UBAP1: variants seen among roughly 807,000 people sequenced by gnomAD.
The protein encoded by UBAP1 is ubiquitin-associated protein 1.
UBAP1 carries 5 observed loss-of-function variants against 39.0 expected under a neutral mutation model. The ratio of observed to expected loss-of-function variants is 0.13; its 90% CI spans 0.07 to 0.27. The LOEUF (loss-of-function observed/expected upper bound fraction) is 0.27. Ranked by LOEUF, UBAP1 falls within the 10% of genes least tolerant of loss-of-function variation. The pLI is 1.00. For synonymous variants in UBAP1, 211 were observed against 225.1 expected, an observed-to-expected ratio of 0.94 and a Z score of 0.56; for missense variants, 490 against 608.1, an observed-to-expected ratio of 0.81 and a Z score of 2.04.
chr9:34,188,052 G>T (rs1479148091), intron 1 of UBAP1, among the ~76,000 whole-genome samples: 1 of 147,810 alleles, frequency 6.8e-6, no homozygotes, highest in Non-Finnish European at 1.5e-5. Flanking sequence ...AAGGAGTCAA[G>T]TATTTGATCT....
At chr9:34,207,044 A>ATTTTTTTT (rs1831735948) in intron 1 of UBAP1, among the ~76,000 whole-genome samples, 1 of 49,128 alleles carries the variant, frequency 2.0e-5, no homozygotes, top group Non-Finnish European at 4.3e-5. Flanking sequence ...CTTAATTGTT[A>ATTTTTTTT]TTTCTTTTTT....
intron 1 of UBAP1, among the ~76,000 whole-genome samples, chr9:34,187,587 A>G (rs759298880): frequency 5.3e-5 from 8 of 152,220 alleles, no homozygotes; most frequent in Non-Finnish European, 1.2e-4. Flanking sequence ...CTAAGCTGTT[A>G]GCACTTTCAC....
chr9:34,190,839 G>A (rs1274183996), intron 1 of UBAP1, among the ~76,000 whole-genome samples: 1 of 148,774 alleles, frequency 6.7e-6, no homozygotes, highest in Non-Finnish European at 1.5e-5. Flanking sequence ...GTAGAGATGG[G>A]GTTTCATCAT....
intron 2 of UBAP1, among the ~76,000 whole-genome samples, chr9:34,232,971 C>T (rs888208705): frequency 1.3e-5 from 2 of 152,114 alleles, no homozygotes; most frequent in East Asian, 1.9e-4. Context: ...ATATAAGAGG[C>T]GTTTTCCTTT....
chr9:34,219,135 C>G (rs1832517590), intron 1 of UBAP1, among the ~76,000 whole-genome samples: 1 of 151,752 alleles, frequency 6.6e-6, no homozygotes, highest in African/African-American at 2.4e-5. Context: ...GTCGCCTAGG[C>G]TGGAGTGCAG....
At chr9:34,185,429 G>T (rs1411140282) in intron 1 of UBAP1, among the ~76,000 whole-genome samples, 2 of 152,180 alleles carry the variant, frequency 1.3e-5, no homozygotes, top group Admixed American at 1.3e-4. Flanking sequence ...CATGCCTGTA[G>T]TCCCAGGTAC....
chr9:34,224,319 A>C, intron 2 of UBAP1: 2 of 447,584 alleles, frequency 4.5e-6, no homozygotes, highest in Non-Finnish European at 8.3e-6. Context: ...GTGTGCTGTC[A>C]ATGAGCATGA....
chr9:34,193,368 C>T (rs1473973283), intron 1 of UBAP1, among the ~76,000 whole-genome samples: 1 of 151,372 alleles, frequency 6.6e-6, no homozygotes, highest in African/African-American at 2.4e-5. Context: ...CACGTTCTTC[C>T]TCTACTCTCA....
intron 1 of UBAP1, among the ~76,000 whole-genome samples, chr9:34,180,310 T>A (rs1212738496): frequency 6.6e-6 from 1 of 150,878 alleles, no homozygotes; most frequent in Non-Finnish European, 1.5e-5. Context: ...AGGTCAAGAG[T>A]TCAAGACCAG....
intron 1 of UBAP1, among the ~76,000 whole-genome samples, chr9:34,197,257 C>T: frequency 6.6e-6 from 1 of 151,090 alleles, no homozygotes; most frequent in South Asian, 2.1e-4. Flanking sequence ...GTTCACGGAC[C>T]TTCTTTAATA....
intron 2 of UBAP1, among the ~76,000 whole-genome samples, chr9:34,227,206 T>G (rs1372854509): frequency 6.6e-6 from 1 of 152,230 alleles, no homozygotes; most frequent in East Asian, 1.9e-4. Flanking sequence ...TTTCTTGTGA[T>G]TTCACATCTT....
At chr9:34,188,965 T>C (rs1830565433) in intron 1 of UBAP1, among the ~76,000 whole-genome samples, 1 of 151,912 alleles carries the variant, frequency 6.6e-6, no homozygotes, top group Non-Finnish European at 1.5e-5. Context: ...CTCCAAAAAA[T>C]AAAAAATAAA....
chr9:34,179,408 C>G (rs1025979004), intron 1 of UBAP1, among the ~76,000 whole-genome samples, 168 bp downstream of exon 1: 1 of 151,844 alleles, frequency 6.6e-6, no homozygotes, highest in Non-Finnish European at 1.5e-5. Flanking sequence ...GGGGAGGATT[C>G]TGGGAGAAGG....
chr9:34,241,787 C>T lies in UBAP1; in HGVS notation c.762C>T (p.Leu254=), dbSNP rs536841538. The T allele has an allele frequency of 1.2e-6, 2 of 1,614,006 alleles. No individual in the cohort carries two copies. The highest frequency in any genetic ancestry group is 2.2e-5 in the South Asian group (2 of 91,078). Residue 254 remains leucine, a synonymous_variant, in exon 4 of 7, where the codon CTC becomes CTT. Coordinates refer to ENST00000297661, the MANE Select transcript of UBAP1 (RefSeq NM_016525.5). ...EKMSLSSKVS[L]PPIPAVSNIK... ...TGTCACTGTCTTCCAAAGTGTCCCTCCCCCCTATACCTGCAGTAAGCAATA... is the reference window on the plus strand; with the variant it reads ...TGTCACTGTCTTCCAAAGTGTCCCTTCCCCCTATACCTGCAGTAAGCAATA...
At chr9:34,204,154 C>G (rs1831550404) in intron 1 of UBAP1, among the ~76,000 whole-genome samples, 1 of 152,148 alleles carries the variant, frequency 6.6e-6, no homozygotes, top group Non-Finnish European at 1.5e-5. Context: ...TGGTGAAATC[C>G]TGTCTCTACT....
intron 5 of UBAP1, 123 bp from the exon 6 acceptor site, chr9:34,250,535 T>C: frequency 1.5e-6 from 1 of 652,608 alleles, no homozygotes; most frequent in Middle Eastern, 2.7e-4. Flanking sequence ...AATCAAATCC[T>C]ATCCAGTATC....
At chr9:34,207,034 C>T (rs977525657) in intron 1 of UBAP1, among the ~76,000 whole-genome samples, 74 of 132,428 alleles carry the variant, frequency 5.6e-4, no homozygotes, top group African/African-American at 1.9e-3. Context: ...TCTGCGTTTG[C>T]TTAATTGTTA....
At chr9:34,226,115 G>GTGTGTGTGTGTGTGTGTGTGTGTGTGTT (rs1563911123) in intron 2 of UBAP1, among the ~76,000 whole-genome samples, 12 of 92,756 alleles carry the variant, frequency 1.3e-4, no homozygotes, top group Non-Finnish European at 2.0e-4. Context: ...TTGTGTGTGT[G>GTGTGTGTGTGTGTGTGTGTGTGTGTGTT]TGTGTGTGTG....
At chr9:34,186,533 T>C (rs1350670910) in intron 1 of UBAP1, among the ~76,000 whole-genome samples, 1 of 152,170 alleles carries the variant, frequency 6.6e-6, no homozygotes, top group African/African-American at 2.4e-5. Flanking sequence ...ACACTTGATA[T>C]TGTCAGATTT....
Sources: gnomAD v4.1 joint callset for allele counts (sites outside exome capture counted in the v4.1 genomes callset) on GRCh38, gnomAD v4.1.1 for gene constraint, MANE v1.5 for transcripts, NCBI Gene and HGNC (gene_info 2026-07-23, HGNC 2026-07-21) for gene names.